Variants in FUT4 observed in about 807,000 individuals in gnomAD.
The protein encoded by FUT4 is alpha-(1,3)-fucosyltransferase 4.
A neutral mutation model predicts 3.8 loss-of-function variants in FUT4; 1 was observed. That is an observed-to-expected ratio of 0.26 (90% confidence interval 0.09 to 1.25). The LOEUF (loss-of-function observed/expected upper bound fraction) is 1.25, where lower values mean the gene tolerates loss of function less well. Ranked by LOEUF, FUT4 falls within the 50% of genes most tolerant of loss-of-function variation. The pLI, the probability that FUT4 is intolerant of heterozygous loss-of-function variation, is 0.47. For synonymous variants in FUT4, 417 were observed against 355.3 expected, an observed-to-expected ratio of 1.17 and a Z score of -1.95; for missense variants, 880 against 768.2, an observed-to-expected ratio of 1.15 and a Z score of -1.72.
Position 94,544,411 on chromosome 11 carries a change from A to T in FUT4, c.278A>T (p.Gln93Leu), listed in dbSNP as rs1329609422. 2 of 1,528,708 alleles carry T rather than the reference A, an allele frequency of 1.3e-6. No homozygotes were observed. The highest frequency in any genetic ancestry group is 1.9e-5 in the Admixed American group (1 of 51,730). The allele number at this position is 1,528,708 out of a possible 1,614,324, so 94.7% of individuals were successfully genotyped here. The change falls in exon 1 of 1, where the codon CAG becomes CTG. Residue 93 changes from glutamine (Q) to leucine (L), a missense_variant. Transcript: ENST00000358752. ...PFHSRASGERQRRLEPQLQHE... is the reference protein window; with the variant it reads ...PFHSRASGERLRRLEPQLQHE... ...CATTCCCGGGCCAGCGGCGAGCGGCAGCGACGGCTGGAGCCGCAGCTACAG... is the reference window on the plus strand; with the variant it reads ...CATTCCCGGGCCAGCGGCGAGCGGCTGCGACGGCTGGAGCCGCAGCTACAG...
chr11:94,544,036 C>T lies in FUT4; in HGVS notation c.-98C>T. 1 of 1,330,004 alleles carries T rather than the reference C, an allele frequency of 7.5e-7. No homozygotes were observed. 82.4% of individuals were successfully genotyped at this position (1,330,004 alleles called of 1,614,324 possible). A position where few individuals can be genotyped will look rare whatever the true frequency, so the allele number is the denominator to read the frequency against. ...CCCAGGGATGAACCGGGCCTTCCCT[C>T]TGGAAGGCGAGGGTTCGGGCCACAG... On this transcript the variant is annotated 5_prime_UTR_variant, in exon 1 of 1. Transcript: ENST00000358752.
At position 94,545,057 on chromosome 11, in the gene FUT4, C is replaced by T; in HGVS notation, c.924C>T (p.Ser308=). Residue 308 remains serine (S), a synonymous_variant, in exon 1 of 1, where the codon AGC becomes AGT. Transcript: ENST00000358752. ...CCTCGCACTCCCCGGGGCTGCGAAG[C>T]CTGGCAAGTAACCTCTTCAACTGGA... ...ESPSHSPGLR[S]LASNLFNWTL... is the part of the protein sequence containing the mutation. 1.2e-6 allele frequency: 2 copies of T among 1,612,358 alleles called. No individual in the cohort carries two copies. The highest frequency in any genetic ancestry group is 2.2e-5 in the East Asian group (1 of 44,852).
Position 94,544,063 on chromosome 11 carries a change from G to A in FUT4, c.-71G>A, listed in dbSNP as rs1947825495. 4.4e-6 allele frequency: 6 copies of A among 1,352,922 alleles called. No individual in the cohort carries two copies. Among genetic ancestry groups the A allele is most frequent in the Non-Finnish European group, 5.7e-6 (6 of 1,051,764 alleles). 83.8% of individuals were successfully genotyped at this position (1,352,922 alleles called of 1,614,324 possible). ...GGAAGGCGAGGGTTCGGGCCACAGT[G>A]AGCGAGGGCCAGGGCGGTGGGCGCG... is the stretch of plus-strand genomic sequence containing the variant. On this transcript the variant is annotated 5_prime_UTR_variant, in exon 1 of 1. Coordinates refer to ENST00000358752, the MANE Select transcript of FUT4 (RefSeq NM_002033.4).
At position 94,547,039 on chromosome 11, in the gene FUT4, G is replaced by A. The variant is rs1471267588; in HGVS notation, c.*1313G>A. On this transcript the variant is annotated 3_prime_UTR_variant, in exon 1 of 1. Coordinates refer to ENST00000358752, the MANE Select transcript of FUT4 (RefSeq NM_002033.4). ...TCACATTTCTAGTGCCCTTGAGACT[G>A]TGCTATGGAACCAATCTTGAACATA... 1.8e-5 allele frequency: 3 copies of A among 165,202 alleles called. No individual in the cohort carries two copies. Among genetic ancestry groups the A allele is most frequent in the Non-Finnish European group, 4.4e-5 (3 of 68,100 alleles). The allele number at this position is 165,202 out of a possible 1,614,324, so 10.2% of individuals were successfully genotyped here.
chr11:94,546,568 T>G lies in FUT4; in HGVS notation c.*842T>G, dbSNP rs1376924067. On this transcript the variant is annotated 3_prime_UTR_variant, in exon 1 of 1. Transcript: ENST00000358752. ...CTTTATGTTTTTCTATAACCTGGAT[T>G]TTTTAAATCATATTAAAATTACAGA... is the stretch of plus-strand genomic sequence containing the variant. 3.0e-5 allele frequency: 5 copies of G among 166,890 alleles called. No individual in the cohort carries two copies. The highest frequency in any genetic ancestry group is 2.9e-5 in the Non-Finnish European group (2 of 68,130). The allele number at this position is 166,890 out of a possible 1,614,324, so 10.3% of individuals were successfully genotyped here.
In FUT4 at chr11:94,545,889, A is replaced by G; in HGVS notation, c.*163A>G. ...TTTACCAATTAATATTACTCAGCAC[A>G]GAGATGGGGGCCCGGTTTCCATATT... is the stretch of plus-strand genomic sequence containing the variant. On this transcript the variant is annotated 3_prime_UTR_variant, in exon 1 of 1. Coordinates refer to ENST00000358752, the MANE Select transcript of FUT4 (RefSeq NM_002033.4). 1.1e-6 allele frequency: 1 copy of G among 901,662 alleles called. No individual in the cohort carries two copies. The highest frequency in any genetic ancestry group is 1.8e-6 in the Non-Finnish European group (1 of 554,794). 55.9% of individuals were successfully genotyped at this position (901,662 alleles called of 1,614,324 possible).
chr11:94,545,288 G>A lies in FUT4; in HGVS notation c.1155G>A (p.Val385=). 2 of 1,612,078 alleles carry A rather than the reference G, an allele frequency of 1.2e-6. No individual in the cohort carries two copies. Among genetic ancestry groups the A allele is most frequent in the South Asian group, 2.2e-5 (2 of 91,066 alleles). Residue 385 remains valine (V), a synonymous_variant, in exon 1 of 1, where the codon GTG becomes GTA. Transcript: ENST00000358752. ...TGAGCCAACATGTGACCGTGGACGTGTTCGGCCGGGGCGGGCCGGGGCAGC... is the reference window on the plus strand; with the variant it reads ...TGAGCCAACATGTGACCGTGGACGTATTCGGCCGGGGCGGGCCGGGGCAGC... ...HQLSQHVTVD[V]FGRGGPGQPV... is the part of the protein sequence containing the mutation.
chr11:94,544,424 G>A lies in FUT4; in HGVS notation c.291G>A (p.Glu97=), dbSNP rs1947833045. ...GCGGCGAGCGGCAGCGACGGCTGGA[G>A]CCGCAGCTACAGCATGAGAGCCGGT... is the stretch of plus-strand genomic sequence containing the variant. ...RASGERQRRL[E]PQLQHESRCR... Residue 97 remains glutamate (E), a synonymous_variant, in exon 1 of 1, where the codon GAG becomes GAA. Transcript: ENST00000358752. 2.0e-6 allele frequency: 3 copies of A among 1,525,140 alleles called. No homozygotes were observed. The highest frequency in any genetic ancestry group is 2.6e-5 in the East Asian group (1 of 38,736). The allele number at this position is 1,525,140 out of a possible 1,614,324, so 94.5% of individuals were successfully genotyped here.
In FUT4 at chr11:94,544,839, CT is replaced by C; in HGVS notation, c.710del (p.Phe237SerfsTer7). 1.2e-6 allele frequency: 2 copies of C among 1,605,398 alleles called. No homozygotes were observed. The highest frequency in any genetic ancestry group is 1.7e-6 in the Non-Finnish European group (2 of 1,179,434). On this transcript the variant is annotated frameshift_variant, in exon 1 of 1. Coordinates refer to ENST00000358752, the MANE Select transcript of FUT4 (RefSeq NM_002033.4). LOFTEE classifies it low-confidence loss of function (END_TRUNC). Reference sequence around the variant, plus strand: ...GTCCTACGGAGAGGCTCAGGCCGTGCTTTTCCACCACCGCGACCTCGTGAAG... The same window carrying C: ...GTCCTACGGAGAGGCTCAGGCCGTGCTTTCCACCACCGCGACCTCGTGAAG... ...RASYGEAQAV[L>X]FHHRDLVKGP...
rs1027605661 is a variant in FUT4 at position 94,548,542 on chromosome 11, A to G, written c.*2816A>G. 19 of 166,570 alleles carry G rather than the reference A, an allele frequency of 1.1e-4. No homozygotes were observed. Among genetic ancestry groups the G allele is most frequent in the African/African-American group, 3.9e-4 (16 of 41,434 alleles). 10.3% of individuals were successfully genotyped at this position (166,570 alleles called of 1,614,324 possible). On this transcript the variant is annotated 3_prime_UTR_variant, in exon 1 of 1. Transcript: ENST00000358752. The stretch of plus-strand genomic sequence containing the variant: ...CAGGTGTGAGCCGCCGTGCCCAGCC[A>G]TTGCATTTTTATTCACATACACATT...
chr11:94,545,266 G>A lies in FUT4; in HGVS notation c.1133G>A (p.Ser378Asn), dbSNP rs1056125684. 13 of 1,611,748 alleles carry A rather than the reference G, an allele frequency of 8.1e-6. No individual in the cohort carries two copies. In the African/African-American group the frequency reaches 1.7e-4, roughly 22 times the overall value. The part of the protein sequence containing the change: ...QARVRYYHQL[S>N]QHVTVDVFGR... ...CGGGTCCGCTACTACCACCAACTGA[G>A]CCAACATGTGACCGTGGACGTGTTC... Residue 378 changes from serine to asparagine, a missense_variant, in exon 1 of 1, where the codon AGC (serine) becomes AAC (asparagine). Transcript: ENST00000358752.
At position 94,545,432 on chromosome 11, in the gene FUT4, T is replaced by TG. The variant is rs1176148999; in HGVS notation, c.1303dup (p.Ala435GlyfsTer115). The TG allele has an allele frequency of 1.2e-6, 2 of 1,613,072 alleles. No homozygotes were observed. Among genetic ancestry groups the TG allele is most frequent in the Non-Finnish European group, 1.7e-6 (2 of 1,179,722 alleles). On this transcript the variant is annotated frameshift_variant, in exon 1 of 1. Transcript: ENST00000358752. LOFTEE classifies it high-confidence loss of function. ...AGCTCTGGCGCAACGCGTTGCTCGC[T>TG]GGGGCGGTGCCGGTGGTGCTGGGCC... is the stretch of plus-strand genomic sequence containing the variant.
rs1947845793 is a variant in FUT4, at chr11:94,545,150, C to T, written c.1017C>T (p.Pro339=). 1.2e-6 allele frequency: 2 copies of T among 1,610,288 alleles called. No homozygotes were observed. The highest frequency in any genetic ancestry group is 1.7e-5 in the Admixed American group (1 of 59,926). ...PYGYLYPRSH[P]GDPPSGLAPP... Reference sequence around the variant, plus strand: ...GCTACCTCTACCCCAGAAGCCACCCCGGCGACCCGCCCTCAGGCCTGGCCC... The same window carrying T: ...GCTACCTCTACCCCAGAAGCCACCCTGGCGACCCGCCCTCAGGCCTGGCCC... The change falls in exon 1 of 1, where the codon CCC becomes CCT. Residue 339 remains proline, a synonymous_variant. Coordinates refer to ENST00000358752, the MANE Select transcript of FUT4 (RefSeq NM_002033.4).
Position 94,544,798 on chromosome 11 carries a change from T to C in FUT4, c.665T>C (p.Leu222Pro). Residue 222 changes from leucine to proline, a missense_variant, in exon 1 of 1, where the codon CTG becomes CCG. Physicochemically the swap from Leu to Pro is moderately conservative, Grantham distance 98. Transcript: ENST00000358752. ...CGCTTCAACATCAGCGGCTGCCGCC[T>C]GCTCACCGACCGCGCGTCCTACGGA... The part of the protein sequence containing the change: ...RLRFNISGCR[L>P]LTDRASYGEA... 4.4e-6 allele frequency: 7 copies of C among 1,595,840 alleles called. No individual in the cohort carries two copies. The highest frequency in any genetic ancestry group is 5.9e-6 in the Non-Finnish European group (7 of 1,177,708).
chr11:94,543,961 C>A lies in FUT4; in HGVS notation c.-173C>A. The A allele has an allele frequency of 1.1e-6, 1 of 904,538 alleles. No homozygotes were observed. Among genetic ancestry groups the A allele is most frequent in the Non-Finnish European group, 1.5e-6 (1 of 674,210 alleles). The allele number at this position is 904,538 out of a possible 1,614,324, so 56.0% of individuals were successfully genotyped here. A position where few individuals can be genotyped will look rare whatever the true frequency, so the allele number is the denominator to read the frequency against. On this transcript the variant is annotated 5_prime_UTR_variant, in exon 1 of 1. The change creates a new upstream start codon in the 5' untranslated region. Coordinates refer to ENST00000358752, the MANE Select transcript of FUT4 (RefSeq NM_002033.4). ...GTCCGCCTTCCGTCTGTTCTAGGGC[C>A]TGCTCCTGCGCGGCAGCTGCTTTAG... is the stretch of plus-strand genomic sequence containing the variant.
At position 94,546,020 on chromosome 11, in the gene FUT4, T is replaced by G. The variant is rs191746007; in HGVS notation, c.*294T>G. ...CCTTGTAACCAGTGCAGAAATGAAA[T>G]AGCTTAGCGGCAAGAAGCCGTTGAG... is the stretch of plus-strand genomic sequence containing the variant. On this transcript the variant is annotated 3_prime_UTR_variant, in exon 1 of 1. Coordinates refer to ENST00000358752, the MANE Select transcript of FUT4 (RefSeq NM_002033.4). 1.0e-5 allele frequency: 5 copies of G among 498,154 alleles called. No homozygotes were observed. The highest frequency in any genetic ancestry group is 4.3e-5 in the East Asian group (1 of 23,364). 30.9% of individuals were successfully genotyped at this position (498,154 alleles called of 1,614,324 possible). A position where few individuals can be genotyped will look rare whatever the true frequency, so the allele number is the denominator to read the frequency against.
chr11:94,545,686 C>G lies in FUT4; in HGVS notation c.1553C>G (p.Pro518Arg), dbSNP rs1465677343. 3.7e-6 allele frequency: 6 copies of G among 1,612,016 alleles called. No homozygotes were observed. In the African/African-American group the frequency reaches 6.7e-5, roughly 18 times the overall value. Residue 518 changes from proline to arginine, a missense_variant, in exon 1 of 1, where the codon CCC becomes CGC. Coordinates refer to ENST00000358752, the MANE Select transcript of FUT4 (RefSeq NM_002033.4). ...GCTGTACAGAGGGCTGGGGACCGGC[C>G]CAAGAGCATACGGAACTTGGCCAGC... ...CQAVQRAGDR[P>R]KSIRNLASWF... is the part of the protein sequence containing the mutation.
In FUT4 at chr11:94,544,626, G is replaced by T; in HGVS notation, c.493G>T (p.Ala165Ser). The T allele has an allele frequency of 1.3e-6, 2 of 1,503,802 alleles. No individual in the cohort carries two copies. Among genetic ancestry groups the T allele is most frequent in the Non-Finnish European group, 8.8e-7 (1 of 1,139,034 alleles). The allele number at this position is 1,503,802 out of a possible 1,614,324, so 93.2% of individuals were successfully genotyped here. A position where few individuals can be genotyped will look rare whatever the true frequency, so the allele number is the denominator to read the frequency against. Residue 165 changes from alanine (A) to serine (S), a missense_variant, in exon 1 of 1, where the codon GCG becomes TCG. Around this residue, in one of 3 missense-constraint regions of FUT4, gnomAD observed 447 missense variants for 339.5 expected, o/e 1.32. Transcript: ENST00000358752. ...VLAAAGLTCT[A>S]LITYACWGQL... The stretch of plus-strand genomic sequence containing the variant: ...GGCGGCCGCCGGCTTGACGTGTACG[G>T]CGCTGATCACCTACGCTTGCTGGGG...
chr11:94,544,686 C>G lies in FUT4; in HGVS notation c.553C>G (p.Pro185Ala), dbSNP rs148605037. Residue 185 changes from proline (P) to alanine (A), a missense_variant, in exon 1 of 1, where the codon CCG (proline) becomes GCG (alanine). Pro to Ala is a conservative substitution (Grantham distance 27). Coordinates refer to ENST00000358752, the MANE Select transcript of FUT4 (RefSeq NM_002033.4). ...GCCGCTGCCCTGGGCGTCGCCAACC[C>G]CGTCGCGACCGGTGGGCGTGCTGCT... is the stretch of plus-strand genomic sequence containing the variant. The part of the protein sequence containing the change: ...LPPLPWASPT[P>A]SRPVGVLLWW... 4.8e-5 allele frequency: 74 copies of G among 1,542,838 alleles called. No homozygotes were observed. Among genetic ancestry groups the G allele is most frequent in the Non-Finnish European group, 6.2e-5 (72 of 1,158,806 alleles).
Sources: gnomAD v4.1 joint callset for allele counts on GRCh38, gnomAD v4.1.1 for gene constraint, gnomAD v4.1.1 regional missense constraint, MANE v1.5 for transcripts, NCBI Gene and HGNC (gene_info 2026-07-23, HGNC 2026-07-21) for gene names.